SYN3: variants seen among roughly 807,000 people sequenced by gnomAD.
The protein encoded by SYN3 is synapsin-3.
SYN3 carries 35 observed loss-of-function variants against 65.8 expected under a neutral mutation model. The observed-to-expected ratio is 0.53, with a 90% CI of 0.41 to 0.70. The LOEUF (loss-of-function observed/expected upper bound fraction) is 0.70. SYN3 is among the 30% of genes least tolerant of loss of function. SYN3 has a pLI of 0.00. For missense variants in SYN3, 680 were observed against 749.0 expected, an observed-to-expected ratio of 0.91 and a Z score of 1.08; for synonymous variants, 270 against 292.9, an observed-to-expected ratio of 0.92 and a Z score of 0.80.
At chr22:32,533,174 C>T (rs1456435638) in intron 10 of SYN3, among the ~76,000 whole-genome samples, 1 of 152,098 alleles carries the variant, frequency 6.6e-6, no homozygotes, top group East Asian at 1.9e-4. Flanking sequence ...CCGGGACCCA[C>T]AGCCCCTCTG....
chr22:32,761,693 T>A (rs140947314), intron 6 of SYN3, among the ~76,000 whole-genome samples: 2,819 of 152,312 alleles, frequency 0.019, 47 homozygotes, highest in Middle Eastern at 0.051. Context: ...TGCTTTGTTT[T>A]GCGGGGAGGC....
intron 7 of SYN3, among the ~76,000 whole-genome samples, chr22:32,565,163 GTGCTCTCGGA>G (rs2058655161): frequency 7.2e-6 from 1 of 139,354 alleles, no homozygotes; most frequent in South Asian, 3.0e-4. Flanking sequence ...CACCCAAACA[GTGCTCTCGGA>G]CTGCACCCAA....
At position 32,528,948 on chromosome 22, in the gene SYN3, C is replaced by A. The variant is rs757151506; in HGVS notation, c.1156G>T (p.Ala386Ser). ...EHVEEDRQLM[A>S]DLVVSKMSQL... is the part of the protein sequence containing the mutation. ...CTCATTTTGGAGACAACAAGGTCGGCCATCAGCTGTCTGTCCTCTTCCACA... is the reference window on the plus strand; with the variant it reads ...CTCATTTTGGAGACAACAAGGTCGGACATCAGCTGTCTGTCCTCTTCCACA... The change falls in exon 11 of 14, where the codon GCC becomes TCC. Residue 386 changes from alanine to serine, a missense_variant. Coordinates refer to ENST00000358763, the MANE Select transcript of SYN3 (RefSeq NM_003490.4). 1 of 1,614,118 alleles carries A rather than the reference C, an allele frequency of 6.2e-7. No individual in the cohort carries two copies. The highest frequency in any genetic ancestry group is 1.1e-5 in the South Asian group (1 of 91,082).
intron 4 of SYN3, among the ~76,000 whole-genome samples, chr22:32,914,460 C>T (rs867845518): frequency 4.3e-5 from 6 of 140,562 alleles, no homozygotes; most frequent in East Asian, 2.2e-4. Context: ...TTTTTTGAGA[C>T]GGAGTCTCGC....
chr22:32,780,280 G>A (rs1384870040), intron 6 of SYN3, among the ~76,000 whole-genome samples: 1 of 152,030 alleles, frequency 6.6e-6, no homozygotes, highest in East Asian at 1.9e-4. Flanking sequence ...TGGCCCTGGG[G>A]GGTGCCGGGA....
chr22:32,808,960 A>C (rs928008840), intron 6 of SYN3, among the ~76,000 whole-genome samples: 2 of 152,196 alleles, frequency 1.3e-5, no homozygotes, highest in African/African-American at 4.8e-5. Context: ...ATTACTTGAT[A>C]AGTCTAGTCC....
rs560348061 is a variant in SYN3 at position 32,762,530 on chromosome 22, T to C, written c.711+102385A>G. The stretch of plus-strand genomic sequence containing the variant: ...GGTGGAAATGGTGCCAGATTAGAAA[T>C]TAATTCAGGATACCTGGGATCTATT... On this transcript the variant is annotated intron_variant, in intron 6 of 13. Coordinates refer to ENST00000358763, the MANE Select transcript of SYN3 (RefSeq NM_003490.4). 2.0e-5 allele frequency among the ~76,000 whole-genome samples: 3 copies of C among 152,332 alleles called. No individual in the cohort carries two copies. In the East Asian group the frequency reaches 5.8e-4, roughly 29 times the overall value.
At chr22:32,698,191 C>G (rs1035481954) in intron 6 of SYN3, among the ~76,000 whole-genome samples, 1 of 152,160 alleles carries the variant, frequency 6.6e-6, no homozygotes, top group African/African-American at 2.4e-5. Context: ...GTATATAGAA[C>G]TCTGCACCTC....
intron 6 of SYN3, among the ~76,000 whole-genome samples, chr22:32,631,772 T>C (rs1025751017): frequency 9.9e-5 from 15 of 152,272 alleles, no homozygotes; most frequent in African/African-American, 2.9e-4. Context: ...GATGAAGACA[T>C]TGAGGTCCAG....
chr22:32,776,626 T>C (rs4821103), intron 6 of SYN3, among the ~76,000 whole-genome samples: 107,434 of 152,098 alleles, frequency 0.71, 38,515 homozygotes, highest in African/African-American at 0.83. Flanking sequence ...TGCACCAGAA[T>C]GGATGCTCTG....
At chr22:32,707,462 G>A (rs569119486) in intron 6 of SYN3, among the ~76,000 whole-genome samples, 43 of 152,252 alleles carry the variant, frequency 2.8e-4, no homozygotes, top group Admixed American at 2.5e-3. Context: ...GATACTCAGG[G>A]CCACTGTGAA....
intron 6 of SYN3, among the ~76,000 whole-genome samples, chr22:32,643,244 T>C (rs1482864483): frequency 1.3e-5 from 2 of 152,036 alleles, no homozygotes; most frequent in Non-Finnish European, 1.5e-5. Flanking sequence ...CATGCCCGGC[T>C]AATTTTTGTA....
intron 2 of SYN3, among the ~76,000 whole-genome samples, chr22:32,992,012 AG>A (rs2145721879): frequency 6.6e-6 from 1 of 152,304 alleles, no homozygotes; most frequent in East Asian, 1.9e-4. Flanking sequence ...ACTCCACCCC[AG>A]GAGTAGCTAT....
chr22:32,741,359 T>A (rs975906277), intron 6 of SYN3, among the ~76,000 whole-genome samples: 1 of 141,006 alleles, frequency 7.1e-6, no homozygotes, highest in Non-Finnish European at 1.5e-5. Context: ...TTTTTTTTTT[T>A]TTTTTTTTTT....
intron 6 of SYN3, among the ~76,000 whole-genome samples, chr22:32,822,615 A>G (rs373351443): frequency 1.8e-4 from 28 of 152,328 alleles, no homozygotes; most frequent in African/African-American, 6.7e-4. Context: ...AAATTAATCT[A>G]AATGTCTATT....
intron 2 of SYN3, among the ~76,000 whole-genome samples, chr22:32,996,301 C>T (rs563720297): frequency 1.3e-5 from 2 of 151,880 alleles, no homozygotes; most frequent in African/African-American, 4.8e-5. Flanking sequence ...ATGGGTAGGA[C>T]CAAACAAAGT....
In SYN3 at chr22:32,900,047, C is replaced by A. The variant is rs2049713846; in HGVS notation, c.462-30922G>T. Among the ~76,000 whole-genome samples the A allele has an allele frequency of 1.7e-3, 2 of 1,158 alleles. 1 individual carries two copies. Among genetic ancestry groups the A allele is most frequent in the Non-Finnish European group, 2.9e-3 (2 of 690 alleles). The allele number at this position is 1,158 out of a possible 152,430, so 0.8% of individuals were successfully genotyped here. ...TGCGCCACTGCAGTCCGCAGTCCGG[C>A]CTGGGCGACAGAGCGAGACTCCGTC... On this transcript the variant is annotated intron_variant, in intron 4 of 13. Coordinates refer to ENST00000358763, the MANE Select transcript of SYN3 (RefSeq NM_003490.4).
At position 32,710,645 on chromosome 22, in the gene SYN3, A is replaced by AAAAAAAAAAAG. The variant is rs1555931894; in HGVS notation, c.712-113910_712-113909insCTTTTTTTTTT. 3.9e-5 allele frequency among the ~76,000 whole-genome samples: 5 copies of AAAAAAAAAAAG among 126,992 alleles called. No homozygotes were observed. In the South Asian group the frequency reaches 6.8e-4, roughly 17 times the overall value. The allele number at this position is 126,992 out of a possible 152,430, so 83.3% of individuals were successfully genotyped here. A position where few individuals can be genotyped will look rare whatever the true frequency, so the allele number is the denominator to read the frequency against. ...GAGACTCTGTCTCAAAAAAAAAAAA[A>AAAAAAAAAAAG]AAAGAAAGAAAGAAAAAGAAAGAAA... On this transcript the variant is annotated intron_variant, in intron 6 of 13. Transcript: ENST00000358763.
At chr22:32,923,982 C>A (rs907011639) in intron 4 of SYN3, among the ~76,000 whole-genome samples, 1 of 151,926 alleles carries the variant, frequency 6.6e-6, no homozygotes, top group Admixed American at 6.6e-5. Flanking sequence ...AAGGTAATGG[C>A]CTCCAGCTCC....
Sources: allele counts gnomAD v4.1 joint callset (sites outside exome capture counted in the v4.1 genomes callset), GRCh38; gene constraint gnomAD v4.1.1; transcripts MANE v1.5; gene names NCBI Gene and HGNC (gene_info 2026-07-23, HGNC 2026-07-21).